The following BTRC variants were observed in gnomAD, a reference collection of about 807,000 sequenced individuals.
BTRC encodes the protein beta-transducin repeat containing E3 ubiquitin protein ligase.
A neutral mutation model predicts 85.5 loss-of-function variants in BTRC; 42 were observed. That is an observed-to-expected ratio of 0.49 (90% CI 0.38 to 0.64). The LOEUF is 0.64. Among genes scored for constraint, BTRC ranks in the 30% least tolerant of loss-of-function variants. BTRC has a pLI of 0.00. For missense variants in BTRC, 594 were observed against 743.5 expected, an observed-to-expected ratio of 0.80 and a Z score of 2.34; for synonymous variants, 255 against 263.3, an observed-to-expected ratio of 0.97 and a Z score of 0.30.
At chr10:101,371,342 T>TA (rs1037592173) in intron 1 of BTRC, among the ~76,000 whole-genome samples, 7 of 152,244 alleles carry the variant, frequency 4.6e-5, no homozygotes, top group Middle Eastern at 6.8e-3. Flanking sequence ...CCATGCCAGC[T>TA]AATTTTTGTA....
At chr10:101,438,464 C>CAATATAAGTAA (rs1944595631) in intron 2 of BTRC, among the ~76,000 whole-genome samples, 1 of 135,216 alleles carries the variant, frequency 7.4e-6, no homozygotes, top group Non-Finnish European at 1.6e-5. Context: ...TTCTCATTAG[C>CAATATAAGTAA]AATATAAGTA....
chr10:101,448,192 A>G (rs1253857109), intron 2 of BTRC, among the ~76,000 whole-genome samples: 1 of 152,160 alleles, frequency 6.6e-6, no homozygotes, highest in Middle Eastern at 3.2e-3. Flanking sequence ...TAAGAGAAAT[A>G]ATTTTGGTAT....
rs147681042 is a variant in BTRC at position 101,486,271 on chromosome 10, T to C, written c.324+6814T>C. On this transcript the variant is annotated intron_variant, in intron 4 of 14. Transcript: ENST00000370187. The stretch of plus-strand genomic sequence containing the variant: ...AATGTAACAATTTCCCAATAAACTC[T>C]GACTTGTAATAACGTCGGCAAGAGT... Among the ~76,000 whole-genome samples the C allele has an allele frequency of 2.8e-4, 43 of 152,298 alleles. No individual in the cohort carries two copies. In the East Asian group the frequency reaches 8.1e-3, roughly 29 times the overall value.
intron 4 of BTRC, among the ~76,000 whole-genome samples, chr10:101,487,580 G>A (rs1007495794): frequency 1.3e-5 from 2 of 152,180 alleles, no homozygotes; most frequent in African/African-American, 4.8e-5. Flanking sequence ...GAGCAAATTA[G>A]AACAATCAGT....
At position 101,472,847 on chromosome 10, in the gene BTRC, A is replaced by T. The variant is rs550161161; in HGVS notation, c.235-6521A>T. ...TTATATCGTTACTCCTAGATACCTA[A>T]CATCCCCTTTTTCCTTGGCTCCGTT... is the stretch of plus-strand genomic sequence containing the variant. On this transcript the variant is annotated intron_variant, in intron 3 of 14. Coordinates refer to ENST00000370187, the MANE Select transcript of BTRC (RefSeq NM_033637.4). Among the ~76,000 whole-genome samples the T allele has an allele frequency of 5.3e-5, 8 of 152,220 alleles. No individual in the cohort carries two copies. In the South Asian group the frequency reaches 8.3e-4, roughly 16 times the overall value.
intron 1 of BTRC, among the ~76,000 whole-genome samples, chr10:101,381,130 T>TAATAA (rs57604489): frequency 0.36 from 54,955 of 151,726 alleles, 10,943 homozygotes; most frequent in Middle Eastern, 0.47. Flanking sequence ...GTGGTGATAA[T>TAATAA]AATAACAATA....
chr10:101,441,982 T>G (rs1183137165), intron 2 of BTRC, among the ~76,000 whole-genome samples: 1 of 152,046 alleles, frequency 6.6e-6, no homozygotes, highest in African/African-American at 2.4e-5. Flanking sequence ...TGCCTAAGAT[T>G]GCATATACTT....
At chr10:101,525,988 C>T (rs781427499) in intron 5 of BTRC, 25 bp from the exon 6 acceptor site, 6 of 1,605,446 alleles carry the variant, frequency 3.7e-6, no homozygotes, top group Non-Finnish European at 5.1e-6. Flanking sequence ...TGTTCTTTTT[C>T]TTTGCCTCCT....
At chr10:101,370,257 G>C (rs910247514) in intron 1 of BTRC, among the ~76,000 whole-genome samples, 2 of 151,754 alleles carry the variant, frequency 1.3e-5, no homozygotes, top group African/African-American at 4.8e-5. Flanking sequence ...GAGCATCTGG[G>C]ACTACAGGTG....
chr10:101,482,170 T>G (rs572609420), intron 4 of BTRC, among the ~76,000 whole-genome samples: 147 of 151,294 alleles, frequency 9.7e-4, no homozygotes, highest in Admixed American at 1.8e-3. Context: ...CAGAAGTGTG[T>G]CACCACACCC....
intron 2 of BTRC, among the ~76,000 whole-genome samples, chr10:101,430,929 A>G (rs959472313): frequency 1.3e-5 from 2 of 152,020 alleles, no homozygotes; most frequent in Non-Finnish European, 2.9e-5. Flanking sequence ...TATATTTTTT[A>G]TAACTGTTTT....
At chr10:101,433,375 A>G (rs1422537437) in intron 2 of BTRC, among the ~76,000 whole-genome samples, 1 of 152,236 alleles carries the variant, frequency 6.6e-6, no homozygotes, top group African/African-American at 2.4e-5. Flanking sequence ...GTAAGAATAT[A>G]TAAAAGGGGG....
At chr10:101,455,060 CTT>C (rs34039959) in intron 2 of BTRC, among the ~76,000 whole-genome samples, 12 of 143,340 alleles carry the variant, frequency 8.4e-5, no homozygotes, top group East Asian at 2.0e-4. Flanking sequence ...ATCCAAGAAA[CTT>C]TTTTTTTTTT....
intron 4 of BTRC, among the ~76,000 whole-genome samples, chr10:101,490,593 A>G (rs865937495): frequency 1.3e-5 from 2 of 152,156 alleles, no homozygotes; most frequent in African/African-American, 4.8e-5. Flanking sequence ...CACCTCTCCT[A>G]CCAGGATACT....
At chr10:101,372,703 A>G (rs1942674609) in intron 1 of BTRC, among the ~76,000 whole-genome samples, 1 of 151,386 alleles carries the variant, frequency 6.6e-6, no homozygotes, top group South Asian at 2.1e-4. Flanking sequence ...CGTCTCTACT[A>G]AAAATACAAA....
At chr10:101,534,061 A>G (rs1589609164) in intron 9 of BTRC, among the ~76,000 whole-genome samples, 1 of 152,320 alleles carries the variant, frequency 6.6e-6, no homozygotes, top group Admixed American at 6.5e-5. Flanking sequence ...ATCAAAATAT[A>G]TAATCACACA....
intron 13 of BTRC, among the ~76,000 whole-genome samples, chr10:101,539,477 A>T (rs551138197): frequency 6.6e-6 from 1 of 152,328 alleles, no homozygotes; most frequent in East Asian, 1.9e-4. Flanking sequence ...TTCCTCTGTC[A>T]CCCAGGCTAT....
intron 1 of BTRC, among the ~76,000 whole-genome samples, chr10:101,411,755 A>AGTTATGAATC (rs1430034168): frequency 6.7e-6 from 1 of 149,274 alleles, no homozygotes; most frequent in African/African-American, 2.4e-5. Context: ...TAGTCCTCCT[A>AGTTATGAATC]GTTATGAATC....
At chr10:101,434,354 A>G (rs1944473554) in intron 2 of BTRC, among the ~76,000 whole-genome samples, 1 of 152,194 alleles carries the variant, frequency 6.6e-6, no homozygotes, top group African/African-American at 2.4e-5. Flanking sequence ...GTTTTTTTCA[A>G]TAAATTATGC....
Sources: gnomAD v4.1 joint callset for allele counts (sites outside exome capture counted in the v4.1 genomes callset) on GRCh38, gnomAD v4.1.1 for gene constraint, MANE v1.5 for transcripts, NCBI Gene and HGNC (gene_info 2026-07-23, HGNC 2026-07-21) for gene names.